Variants in RALYL observed in about 807,000 individuals in gnomAD.
RALYL encodes the protein RNA-binding Raly-like protein.
A neutral mutation model predicts 35.1 loss-of-function variants in RALYL; 29 were observed. The ratio of observed to expected loss-of-function variants is 0.83; its 90% CI spans 0.61 to 1.13. RALYL has a LOEUF of 1.13. Ranked by LOEUF, RALYL falls within the 50% of genes most tolerant of loss-of-function variation. RALYL has a pLI of 0.00. For synonymous variants in RALYL, 120 were observed against 127.6 expected (o/e 0.94, Z 0.40); for missense variants, 359 against 360.4 (o/e 1.00, Z 0.03).
intron 1 of RALYL, among the ~76,000 whole-genome samples, chr8:84,299,260 T>G (rs1031771229): frequency 2.0e-5 from 3 of 152,136 alleles, no homozygotes; most frequent in African/African-American, 7.2e-5. Context: ...GCTTATGTGA[T>G]GAATCACATT....
At chr8:84,363,974 A>G (rs1371798903) in intron 1 of RALYL, among the ~76,000 whole-genome samples, 1 of 152,118 alleles carries the variant, frequency 6.6e-6, no homozygotes, top group Non-Finnish European at 1.5e-5. Context: ...GTTTTTACCA[A>G]TGTATTCTTG....
At chr8:84,343,373 A>G (rs1470829152) in intron 1 of RALYL, among the ~76,000 whole-genome samples, 2 of 152,104 alleles carry the variant, frequency 1.3e-5, no homozygotes, top group Non-Finnish European at 2.9e-5. Context: ...GAATACATAC[A>G]TTTATCAATG....
At chr8:84,535,887 G>A (rs2135117120) in intron 2 of RALYL, among the ~76,000 whole-genome samples, 1 of 152,170 alleles carries the variant, frequency 6.6e-6, no homozygotes, top group African/African-American at 2.4e-5. Flanking sequence ...CTCCAGTTAA[G>A]AATTACTGTT....
chr8:84,838,623 C>T (rs1247802948), intron 4 of RALYL, among the ~76,000 whole-genome samples: 1 of 152,120 alleles, frequency 6.6e-6, no homozygotes, highest in Non-Finnish European at 1.5e-5. Context: ...GGCAGTGGAA[C>T]CTGAGAATCA....
At chr8:84,723,278 TG>T (rs1589205839) in intron 2 of RALYL, among the ~76,000 whole-genome samples, 1 of 152,040 alleles carries the variant, frequency 6.6e-6, no homozygotes, top group African/African-American at 2.4e-5. Flanking sequence ...CTTTATCTAG[TG>T]AGATTGACAT....
intron 2 of RALYL, among the ~76,000 whole-genome samples, chr8:84,728,573 G>A (rs1240883554): frequency 6.6e-6 from 1 of 152,070 alleles, no homozygotes. Context: ...GAATGGTAAT[G>A]CCTAGGTTTT....
intron 4 of RALYL, among the ~76,000 whole-genome samples, chr8:84,827,822 G>GTACTTTAAAAAGTACT (rs1388212438): frequency 6.6e-6 from 1 of 151,942 alleles, no homozygotes; most frequent in Non-Finnish European, 1.5e-5. Context: ...CAATTTTACC[G>GTACTTTAAAAAGTACT]TTAAAAAGTA....
intron 8 of RALYL, among the ~76,000 whole-genome samples, chr8:84,913,749 A>G (rs1002749695): frequency 6.6e-6 from 1 of 151,926 alleles, no homozygotes; most frequent in Non-Finnish European, 1.5e-5. Flanking sequence ...GCATAATTTG[A>G]GTGTTAAAAG....
chr8:84,750,196 A>G (rs1171626352), intron 2 of RALYL, among the ~76,000 whole-genome samples: 1 of 152,198 alleles, frequency 6.6e-6, no homozygotes, highest in African/African-American at 2.4e-5. Context: ...ACTTTACATA[A>G]TCAGGACCAG....
rs542400376 is a variant in RALYL at position 84,781,331 on chromosome 8, T to C, written c.332+6677T>C. On this transcript the variant is annotated intron_variant, in intron 3 of 8. Coordinates refer to ENST00000521268, the MANE Select transcript of RALYL (RefSeq NM_173848.7). ...TTTAACACTAAGCAAATATAACTTA[T>C]AGACCTTTTATTTAAAATGTTCAAA... 3.3e-5 allele frequency among the ~76,000 whole-genome samples: 5 copies of C among 152,370 alleles called. No individual in the cohort carries two copies. In the East Asian group the frequency reaches 7.7e-4, roughly 23 times the overall value.
At chr8:84,313,234 GC>G (rs1843129536) in intron 1 of RALYL, among the ~76,000 whole-genome samples, 1 of 152,188 alleles carries the variant, frequency 6.6e-6, no homozygotes, top group Admixed American at 6.5e-5. Context: ...CCTAGACCTG[GC>G]CCACGAAACC....
chr8:84,250,751 T>C (rs973211407), intron 1 of RALYL, among the ~76,000 whole-genome samples: 3 of 152,202 alleles, frequency 2.0e-5, no homozygotes, highest in African/African-American at 4.8e-5. Flanking sequence ...CTTTTCAGTC[T>C]ATCATGTACT....
chr8:84,413,775 A>G lies in RALYL; in HGVS notation c.-23-115524A>G, dbSNP rs183574371. On this transcript the variant is annotated intron_variant, in intron 1 of 8. Transcript: ENST00000521268. ...ATTTTACAAATGATTTCCATATAGA[A>G]TTAGTGTTACGATAGGCAGTTCTTA... Among the ~76,000 whole-genome samples, 229 of 152,148 alleles carry G rather than the reference A, an allele frequency of 1.5e-3. 2 individuals carry two copies. Among genetic ancestry groups the G allele is most frequent in the African/African-American group, 4.5e-3 (186 of 41,572 alleles).
intron 1 of RALYL, among the ~76,000 whole-genome samples, chr8:84,432,426 TG>T (rs148533491): frequency 0.056 from 8,560 of 152,072 alleles, 277 homozygotes; most frequent in East Asian, 0.13. Flanking sequence ...AAATTATACG[TG>T]GTTCTAGAAA....
At chr8:84,856,912 C>A (rs1341880742) in intron 5 of RALYL, among the ~76,000 whole-genome samples, 2 of 151,052 alleles carry the variant, frequency 1.3e-5, no homozygotes, top group African/African-American at 4.9e-5. Flanking sequence ...CCTGTAGTCC[C>A]AGCTACTCGG....
At chr8:84,732,683 T>TATATATATATATATATATATATACACAC in intron 2 of RALYL, among the ~76,000 whole-genome samples, 22 of 133,242 alleles carry the variant, frequency 1.7e-4, no homozygotes, top group African/African-American at 4.9e-4. Flanking sequence ...TATATATATA[T>TATATATATATATATATATATATACACAC]ACACACACAC....
intron 1 of RALYL, among the ~76,000 whole-genome samples, chr8:84,246,366 A>T (rs1829097198): frequency 6.6e-6 from 1 of 152,198 alleles, no homozygotes; most frequent in Admixed American, 6.6e-5. Context: ...AGAGAAACAA[A>T]ACAAATATAT....
chr8:84,502,314 G>T (rs1353677669), intron 1 of RALYL, among the ~76,000 whole-genome samples: 1 of 151,924 alleles, frequency 6.6e-6, no homozygotes, highest in South Asian at 2.1e-4. Flanking sequence ...AGTAGTGCTA[G>T]AACAACTGGC....
In RALYL at chr8:84,361,049, T is replaced by G. The variant is rs549880918; in HGVS notation, c.-23-168250T>G. On this transcript the variant is annotated intron_variant, in intron 1 of 8. Transcript: ENST00000521268. ...TCTTGAGATGGATTAGTATTTCCTC[T>G]TCTTTAGTAAGAATGAAATGATTTG... Among the ~76,000 whole-genome samples, 16 of 152,246 alleles carry G rather than the reference T, an allele frequency of 1.1e-4. No individual in the cohort carries two copies. In the South Asian group the frequency reaches 1.5e-3, roughly 14 times the overall value.
Sources: allele counts gnomAD v4.1 joint callset (sites outside exome capture counted in the v4.1 genomes callset), GRCh38; gene constraint gnomAD v4.1.1; transcripts MANE v1.5; gene names NCBI Gene and HGNC (gene_info 2026-07-23, HGNC 2026-07-21).